The following FSTL5 variants were observed in gnomAD, a reference collection of about 807,000 sequenced individuals.
FSTL5 encodes the protein follistatin-related protein 5.
A neutral mutation model predicts 89.1 loss-of-function variants in FSTL5; 62 were observed. That is an observed-to-expected ratio of 0.70 (90% CI 0.57 to 0.86). FSTL5 has a LOEUF of 0.86. Among genes scored for constraint, FSTL5 ranks in the 40% least tolerant of loss-of-function variants. FSTL5 has a pLI of 0.00. For synonymous variants in FSTL5, 383 were observed against 346.2 expected, an observed-to-expected ratio of 1.11 and a Z score of -1.18; for missense variants, 1,057 against 1,001.6, an observed-to-expected ratio of 1.06 and a Z score of -0.75.
At chr4:161,758,165 TATC>T (rs1389788150) in intron 6 of FSTL5, among the ~76,000 whole-genome samples, 2 of 152,178 alleles carry the variant, frequency 1.3e-5, no homozygotes, top group Admixed American at 1.3e-4. Flanking sequence ...TAATAAAAAT[TATC>T]ATGCAGTAAG....
intron 8 of FSTL5, among the ~76,000 whole-genome samples, chr4:161,580,517 T>A (rs10007456): frequency 9.1e-4 from 139 of 152,314 alleles, no homozygotes; most frequent in Non-Finnish European, 2.0e-3. Flanking sequence ...ACAATAAAAG[T>A]TCAAAGAAGA....
intron 8 of FSTL5, among the ~76,000 whole-genome samples, chr4:161,556,469 G>C (rs1732397330): frequency 6.6e-6 from 1 of 151,472 alleles, no homozygotes; most frequent in Non-Finnish European, 1.5e-5. Context: ...GATTACTCAA[G>C]ACGAAGATTT....
chr4:162,155,323 T>A (rs954350019), intron 1 of FSTL5, among the ~76,000 whole-genome samples: 1 of 152,146 alleles, frequency 6.6e-6, no homozygotes, highest in Non-Finnish European at 1.5e-5. Context: ...AAGAGGCAAG[T>A]CTCCATGAGT....
chr4:161,481,016 A>G lies in FSTL5; in HGVS notation c.1608+4T>C. ...ACTTTTTAAAAAGTAGTAATTATTC[A>G]TACCTGAACAACTTTTTGGGACTGC... On this transcript the variant is annotated splice_donor_region_variant and intron_variant, in intron 13 of 15. Transcript: ENST00000306100. 6.3e-7 allele frequency: 1 copy of G among 1,599,032 alleles called. No individual in the cohort carries two copies. Among genetic ancestry groups the G allele is most frequent in the South Asian group, 1.1e-5 (1 of 88,964 alleles).
At chr4:161,402,154 G>T (rs2110909122) in intron 15 of FSTL5, among the ~76,000 whole-genome samples, 1 of 152,146 alleles carries the variant, frequency 6.6e-6, no homozygotes, top group Admixed American at 6.5e-5. Flanking sequence ...TGGAAGCCTG[G>T]CAGAAAAGAA....
chr4:161,697,080 C>G (rs959865956), intron 6 of FSTL5, among the ~76,000 whole-genome samples: 1 of 152,186 alleles, frequency 6.6e-6, no homozygotes, highest in African/African-American at 2.4e-5. Context: ...AGCAAACAAA[C>G]AGCCCTGTCA....
intron 4 of FSTL5, among the ~76,000 whole-genome samples, chr4:161,873,252 A>AT: frequency 6.6e-6 from 1 of 152,252 alleles, no homozygotes; most frequent in East Asian, 1.9e-4. Flanking sequence ...GGAAAAGGAT[A>AT]GAATAGTTGC....
At chr4:161,658,417 C>A (rs1472931142) in intron 6 of FSTL5, among the ~76,000 whole-genome samples, 2 of 151,864 alleles carry the variant, frequency 1.3e-5, no homozygotes, top group South Asian at 2.1e-4. Flanking sequence ...CAAGATCATG[C>A]CACTGCACTC....
chr4:162,153,659 A>AT (rs1733322822), intron 1 of FSTL5, among the ~76,000 whole-genome samples: 1 of 122,336 alleles, frequency 8.2e-6, no homozygotes, highest in Non-Finnish European at 1.7e-5. Context: ...ATATATGTAT[A>AT]TAATATATGT....
At chr4:161,457,442 G>A (rs1345141992) in intron 14 of FSTL5, among the ~76,000 whole-genome samples, 1 of 152,026 alleles carries the variant, frequency 6.6e-6, no homozygotes, top group East Asian at 1.9e-4. Context: ...TTTTTAGATG[G>A]TTGAATAATG....
At chr4:161,695,645 T>C (rs1395148576) in intron 6 of FSTL5, among the ~76,000 whole-genome samples, 2 of 152,122 alleles carry the variant, frequency 1.3e-5, no homozygotes, top group African/African-American at 4.8e-5. Flanking sequence ...TTTTTTATTA[T>C]GGCCATTCTT....
intron 7 of FSTL5, among the ~76,000 whole-genome samples, chr4:161,608,685 T>C (rs1037897410): frequency 1.3e-5 from 2 of 152,022 alleles, no homozygotes; most frequent in Non-Finnish European, 2.9e-5. Context: ...ATAATGTAAA[T>C]ATCTATAAAA....
intron 3 of FSTL5, among the ~76,000 whole-genome samples, chr4:161,981,629 A>C (rs1018283417): frequency 6.6e-6 from 1 of 152,164 alleles, no homozygotes; most frequent in African/African-American, 2.4e-5. Flanking sequence ...ATATGATTGT[A>C]TTCTCAACAC....
At chr4:161,474,480 T>C (rs1422654426) in intron 13 of FSTL5, among the ~76,000 whole-genome samples, 1 of 152,018 alleles carries the variant, frequency 6.6e-6, no homozygotes, top group Non-Finnish European at 1.5e-5. Context: ...ATTTTGTGAT[T>C]GTCCATGTAT....
At chr4:161,554,602 T>A (rs1232705016) in intron 8 of FSTL5, among the ~76,000 whole-genome samples, 1 of 151,628 alleles carries the variant, frequency 6.6e-6, no homozygotes, top group Non-Finnish European at 1.5e-5. Flanking sequence ...AAAAATGAAT[T>A]TAAGGTGAAT....
chr4:161,972,314 T>A (rs949578057), intron 3 of FSTL5, among the ~76,000 whole-genome samples: 6 of 152,146 alleles, frequency 3.9e-5, no homozygotes, highest in African/African-American at 1.2e-4. Context: ...CCTCAGGTGA[T>A]CCACATGTCT....
chr4:161,519,380 G>T (rs113868450), intron 10 of FSTL5, among the ~76,000 whole-genome samples: 5,526 of 151,904 alleles, frequency 0.036, 348 homozygotes, highest in African/African-American at 0.12. Context: ...TAAAAAATTA[G>T]CCAGGAGTGG....
chr4:161,846,775 T>C (rs1284902700), intron 4 of FSTL5, among the ~76,000 whole-genome samples: 2 of 152,154 alleles, frequency 1.3e-5, no homozygotes, highest in Non-Finnish European at 2.9e-5. Flanking sequence ...AACCAACATA[T>C]TATCTGCTCC....
At chr4:161,708,357 C>G (rs1173105482) in intron 6 of FSTL5, among the ~76,000 whole-genome samples, 1 of 151,942 alleles carries the variant, frequency 6.6e-6, no homozygotes, top group Non-Finnish European at 1.5e-5. Context: ...CATTTTTACA[C>G]TCAATATTTT....
Sources: gnomAD v4.1 joint callset for allele counts (sites outside exome capture counted in the v4.1 genomes callset) on GRCh38, gnomAD v4.1.1 for gene constraint, MANE v1.5 for transcripts, NCBI Gene and HGNC (gene_info 2026-07-23, HGNC 2026-07-21) for gene names.